MST1R: variants seen among roughly 807,000 people sequenced by gnomAD.
MST1R encodes the protein macrophage stimulating 1 receptor, also known as macrophage-stimulating protein receptor.
Under a neutral mutation model 117.8 loss-of-function variants are expected in MST1R, and 99 were observed. The observed-to-expected ratio is 0.84, with a 90% CI of 0.71 to 0.99. The LOEUF (loss-of-function observed/expected upper bound fraction) is 0.99. MST1R is among the 50% of genes least tolerant of loss of function. MST1R has a pLI of 0.00. For missense variants in MST1R, 1,683 were observed against 1,840.2 expected (o/e 0.91, Z 1.56); for synonymous variants, 734 against 765.3 (o/e 0.96, Z 0.68).
Position 49,898,920 on chromosome 3 carries a change from G to C in MST1R, c.1495C>G (p.Gln499Glu). 1 of 1,614,190 alleles carries C rather than the reference G, an allele frequency of 6.2e-7. No homozygotes were observed. Among genetic ancestry groups the C allele is most frequent in the Non-Finnish European group, 8.5e-7 (1 of 1,180,032 alleles). The change falls in exon 3 of 20, where the codon CAG (glutamine) becomes GAG (glutamate). Residue 499 changes from glutamine (Q) to glutamate (E), a missense_variant. Gln to Glu is a conservative substitution (Grantham distance 29). Coordinates refer to ENST00000296474, the MANE Select transcript of MST1R (RefSeq NM_002447.4). Reference protein sequence around the residue: ...FSLGDSGQPVQRDVSRLGDHL... With the variant: ...FSLGDSGQPVERDVSRLGDHL... Reference sequence around the variant, plus strand: ...TCCCCAAGACGACTGACATCCCGCTGCACGGGCTGCCCACTGTCACCCAGT... The same window carrying C: ...TCCCCAAGACGACTGACATCCCGCTCCACGGGCTGCCCACTGTCACCCAGT...
At chr3:49,889,816 C>T in intron 19 of MST1R, 108 bp downstream of exon 19, 1 of 1,382,070 alleles carries the variant, frequency 7.2e-7, no homozygotes, top group South Asian at 1.3e-5. Context: ...AGTCCCTTTC[C>T]TAGTCAACCA....
rs756729964 is a variant in MST1R at position 49,896,547 on chromosome 3, T to A, written c.2432A>T (p.Glu811Val). ...LSFHDGLRAV[E>V]SRCERQLPEQ... ...TGGCCAGCACTCACTCACCCTGCTT[T>A]CCACTGCCCTAAGCCCGTCATGGAA... Residue 811 changes from glutamate to valine, a missense_variant, in exon 9 of 20, where the codon GAA (glutamate) becomes GTA (valine). By Grantham distance (121) the Glu-to-Val change is moderately radical. Transcript: ENST00000296474. 1 of 1,614,076 alleles carries A rather than the reference T, an allele frequency of 6.2e-7. No homozygotes were observed. The highest frequency in any genetic ancestry group is 1.3e-5 in the African/African-American group (1 of 74,934).
rs2082586036 is a variant in MST1R, at chr3:49,899,239, T to C, written c.1255A>G (p.Asn419Asp). 1.2e-6 allele frequency: 2 copies of C among 1,614,096 alleles called. No homozygotes were observed. Among genetic ancestry groups the C allele is most frequent in the Non-Finnish European group, 1.7e-6 (2 of 1,179,982 alleles). ...AGAGGGAAGTGGCGGCAGCTGGTGTTGGGGCTGAGGGCTTCCAGGCCAGGC... is the reference window on the plus strand; with the variant it reads ...AGAGGGAAGTGGCGGCAGCTGGTGTCGGGGCTGAGGGCTTCCAGGCCAGGC... ...NPPGLEALSPNTSCRHFPLLV... is the reference protein window; with the variant it reads ...NPPGLEALSPDTSCRHFPLLV... Residue 419 changes from asparagine to aspartate, a missense_variant, in exon 2 of 20, where the codon AAC becomes GAC. Transcript: ENST00000296474.
At chr3:49,889,470 C>T (rs775461837) in intron 19 of MST1R, among the ~76,000 whole-genome samples, 34 of 152,144 alleles carry the variant, frequency 2.2e-4, no homozygotes, top group Non-Finnish European at 4.0e-4. Context: ...CCGAACCCAC[C>T]CCGTAGGCAC....
Position 49,903,129 on chromosome 3 carries a change from C to A in MST1R, c.481G>T (p.Ala161Ser). The A allele has an allele frequency of 6.2e-7, 1 of 1,604,204 alleles. No individual in the cohort carries two copies. The highest frequency in any genetic ancestry group is 8.5e-7 in the Non-Finnish European group (1 of 1,179,994). Reference sequence around the variant, plus strand: ...TTATGGTGGGCTGAGAAGAGGCAGGCTGGCGCTGCCAGATGCACGGCTGTC... The same window carrying A: ...TTATGGTGGGCTGAGAAGAGGCAGGATGGCGCTGCCAGATGCACGGCTGTC... ...QGTAVHLAAP[A>S]CLFSAHHNRP... Residue 161 changes from alanine (A) to serine (S), a missense_variant, in exon 1 of 20, where the codon GCC (alanine) becomes TCC (serine). Coordinates refer to ENST00000296474, the MANE Select transcript of MST1R (RefSeq NM_002447.4).
In MST1R at chr3:49,890,602, G is replaced by A. The variant is rs55968312; in HGVS notation, c.3693C>T (p.Arg1231=). 827 of 1,614,040 alleles carry A rather than the reference G, an allele frequency of 5.1e-4. No homozygotes were observed. In the African/African-American group the frequency reaches 9.4e-3, roughly 18 times the overall value. Residue 1231 remains arginine, a synonymous_variant, in exon 18 of 20, where the codon CGC becomes CGT. Transcript: ENST00000296474. The part of the protein sequence containing the change: ...TVKVADFGLA[R]DILDREYYSV... ...TATAGTACTCCCTGTCCAGGATGTCGCGGGCCAAACCAAAGTCAGCCACCT... is the reference window on the plus strand; with the variant it reads ...TATAGTACTCCCTGTCCAGGATGTCACGGGCCAAACCAAAGTCAGCCACCT...
chr3:49,891,489 A>G lies in MST1R; in HGVS notation c.3444T>C (p.Gly1148=). 6.2e-7 allele frequency: 1 copy of G among 1,613,934 alleles called. No individual in the cohort carries two copies. Among genetic ancestry groups the G allele is most frequent in the Non-Finnish European group, 8.5e-7 (1 of 1,180,022 alleles). ...GCAGGCCCTCAGGTGGCAACATGAT[A>G]CCAATGAGAGCCAGCACATTCGGGT... ...LNHPNVLALI[G]IMLPPEGLPH... is the part of the protein sequence containing the mutation. The change falls in exon 16 of 20, where the codon GGT becomes GGC. Residue 1148 remains glycine, a synonymous_variant. Coordinates refer to ENST00000296474, the MANE Select transcript of MST1R (RefSeq NM_002447.4).
rs765008622 is a variant in MST1R at position 49,903,069 on chromosome 3, G to A, written c.541C>T (p.Pro181Ser). ...ACCACAGTTACACGGGTGCCCAATG[G>A]GCTGGCCACACAGTCGGGGCAGTCA... is the stretch of plus-strand genomic sequence containing the variant. The part of the protein sequence containing the change: ...PDDCPDCVAS[P>S]LGTRVTVVEQ... The change falls in exon 1 of 20, where the codon CCA (proline) becomes TCA (serine). Residue 181 changes from proline to serine, a missense_variant. Transcript: ENST00000296474. The A allele has an allele frequency of 2.3e-5, 37 of 1,609,654 alleles. No homozygotes were observed. In the South Asian group the frequency reaches 4.0e-4, roughly 17 times the overall value.
intron 12 of MST1R, 26 bp from the exon 13 acceptor site, chr3:49,895,574 T>G (rs1239240283): frequency 1.2e-6 from 2 of 1,613,628 alleles, no homozygotes; most frequent in African/African-American, 2.7e-5. Flanking sequence ...CCTTGGTGGC[T>G]TGGCTTTCCA....
At chr3:49,900,935 C>A (rs956637189) in intron 1 of MST1R, among the ~76,000 whole-genome samples, 1 of 152,210 alleles carries the variant, frequency 6.6e-6, no homozygotes, top group Non-Finnish European at 1.5e-5. Flanking sequence ...TGGCTGCATG[C>A]CCAGAGTTGC....
At position 49,891,787 on chromosome 3, in the gene MST1R, C is replaced by T. The variant is rs147999292; in HGVS notation, c.3323G>A (p.Arg1108Gln). ...HGEYIDQAQN[R>Q]IQCAIKSLSR... ...TAGTGACTTGATGGCACATTGGATT[C>T]GATTCTGGGCCTGGTCTATGTATTC... is the stretch of plus-strand genomic sequence containing the variant. The change falls in exon 15 of 20, where the codon CGA becomes CAA. Residue 1108 changes from arginine (R) to glutamine (Q), a missense_variant. By Grantham distance (43) the Arg-to-Gln change is conservative (BLOSUM62 1). Transcript: ENST00000296474. The T allele has an allele frequency of 1.1e-5, 18 of 1,613,918 alleles. No homozygotes were observed. Among genetic ancestry groups the T allele is most frequent in the Non-Finnish European group, 1.4e-5 (16 of 1,180,012 alleles).
At chr3:49,894,618 T>A (rs1344077463) in intron 14 of MST1R, among the ~76,000 whole-genome samples, 8 of 152,116 alleles carry the variant, frequency 5.3e-5, no homozygotes, top group African/African-American at 1.9e-4. Flanking sequence ...AGCAGCCACT[T>A]GATGGCAGAG....
chr3:49,898,482 C>T, intron 4 of MST1R, 36 bp downstream of exon 4: 1 of 1,604,990 alleles, frequency 6.2e-7, no homozygotes, highest in Non-Finnish European at 8.5e-7. Flanking sequence ...CCCAGCCTGT[C>T]CCACTCTTAC....
chr3:49,896,900 C>G lies in MST1R; in HGVS notation c.2184-10G>C. ...CTGCCCCTCACTGACCCTACAGGAA[C>G]AAGAGATTGGGCTCAAGGTTACCCT... On this transcript the variant is annotated splice_polypyrimidine_tract_variant and intron_variant, in intron 7 of 19. Transcript: ENST00000296474. 2 of 1,489,998 alleles carry G rather than the reference C, an allele frequency of 1.3e-6. No homozygotes were observed. The highest frequency in any genetic ancestry group is 1.8e-6 in the Non-Finnish European group (2 of 1,117,026). 92.3% of individuals were successfully genotyped at this position (1,489,998 alleles called of 1,614,324 possible).
chr3:49,887,410 G>A lies in MST1R; in HGVS notation c.4100C>T (p.Thr1367Ile). Residue 1367 changes from threonine (T) to isoleucine (I), a missense_variant, in exon 20 of 20, where the codon ACC becomes ATC. Thr to Ile is a moderately conservative substitution (Grantham distance 89). Coordinates refer to ENST00000296474, the MANE Select transcript of MST1R (RefSeq NM_002447.4). ...PATYMNLGPS[T>I]SHEMNVRPEQ... ...TGGACGCACATTCATCTCATGCGAG[G>A]TGCTGGGGCCCAAGTTCATGTAGGT... is the stretch of plus-strand genomic sequence containing the variant. 1.9e-6 allele frequency: 3 copies of A among 1,614,238 alleles called. No individual in the cohort carries two copies. Among genetic ancestry groups the A allele is most frequent in the African/African-American group, 1.3e-5 (1 of 75,060 alleles).
rs771698576 is a variant in MST1R at position 49,903,331 on chromosome 3, C to A, written c.279G>T (p.Thr93=). The A allele has an allele frequency of 6.2e-7, 1 of 1,613,360 alleles. No individual in the cohort carries two copies. The highest frequency in any genetic ancestry group is 8.5e-7 in the Non-Finnish European group (1 of 1,179,978). Residue 93 remains threonine (T), a synonymous_variant, in exon 1 of 20, where the codon ACG becomes ACT. Transcript: ENST00000296474. ...PDLKSVQSLA[T]GPAGDPGCQT... is the part of the protein sequence containing the mutation. The stretch of plus-strand genomic sequence containing the variant: ...GGCAGCCAGGGTCTCCAGCAGGGCC[C>A]GTGGCCAGGCTCTGGACAGACTTCA...
rs369879445 is a variant in MST1R at position 49,896,371 on chromosome 3, G to A, written c.2473C>T (p.Arg825Cys). 771 of 1,613,668 alleles carry A rather than the reference G, an allele frequency of 4.8e-4. 2 individuals carry two copies. Among genetic ancestry groups the A allele is most frequent in the Non-Finnish European group, 5.8e-4 (682 of 1,179,976 alleles). ...TCTCGGACCACATATTCAGGAAGGC[G>A]GCACAGCTGCTGCTCTGGAAGCTGC... ...ERQLPEQQLCRLPEYVVRDPQ... is the reference protein window; with the variant it reads ...ERQLPEQQLCCLPEYVVRDPQ... The change falls in exon 10 of 20, where the codon CGC (arginine) becomes TGC (cysteine). Residue 825 changes from arginine to cysteine, a missense_variant. Physicochemically the swap from Arg to Cys is radical, Grantham distance 180. Coordinates refer to ENST00000296474, the MANE Select transcript of MST1R (RefSeq NM_002447.4).
Position 49,889,979 on chromosome 3 carries a change from G to A in MST1R, c.3892C>T (p.His1298Tyr). 3.7e-6 allele frequency: 6 copies of A among 1,614,136 alleles called. No homozygotes were observed. The highest frequency in any genetic ancestry group is 5.1e-6 in the Non-Finnish European group (6 of 1,180,000). Reference sequence around the variant, plus strand: ...AGGCGCCGACCCTGGGCCAGGAAGTGGGTAAGGTCAAAAGGGTCAATGTGG... The same window carrying A: ...AGGCGCCGACCCTGGGCCAGGAAGTAGGTAAGGTCAAAAGGGTCAATGTGG... ...YRHIDPFDLT[H>Y]FLAQGRRLPQ... The change falls in exon 19 of 20, where the codon CAC (histidine) becomes TAC (tyrosine). Residue 1298 changes from histidine to tyrosine, a missense_variant. His to Tyr is a moderately conservative substitution (Grantham distance 83). Transcript: ENST00000296474.
At chr3:49,890,795 C>CGGAG (rs2082291800) in intron 17 of MST1R, 145 bp from the exon 18 acceptor site, 1 of 764,688 alleles carries the variant, frequency 1.3e-6, no homozygotes, top group African/African-American at 1.8e-5. Context: ...GCGCGATCTC[C>CGGAG]GCTCACTGCA....
Sources: gnomAD v4.1 joint callset for allele counts (sites outside exome capture counted in the v4.1 genomes callset) on GRCh38, gnomAD v4.1.1 for gene constraint, MANE v1.5 for transcripts, NCBI Gene and HGNC (gene_info 2026-07-23, HGNC 2026-07-21) for gene names.